Variants in SLC39A4 observed in about 807,000 individuals in gnomAD.
SLC39A4 encodes the protein solute carrier family 39 member 4.
In SLC39A4, 49 loss-of-function variants were observed where a neutral mutation model predicts 56.6. The ratio of observed to expected loss-of-function variants is 0.87; its 90% confidence interval spans 0.69 to 1.10. SLC39A4 has a LOEUF of 1.10. Among genes scored for constraint, SLC39A4 ranks in the 50% least tolerant of loss-of-function variants. The pLI is 0.00. For synonymous variants in SLC39A4, 540 were observed against 420.4 expected (o/e 1.28, Z -3.48); for missense variants, 993 against 864.2 (o/e 1.15, Z -1.87).
At chr8:144,413,930 C>T (rs1174656785) in intron 7 of SLC39A4, 28 bp downstream of exon 7, 9 of 1,610,306 alleles carry the variant, frequency 5.6e-6, no homozygotes, top group South Asian at 2.2e-5. Flanking sequence ...CACACCCACC[C>T]GCCGGGTACC....
In SLC39A4 at chr8:144,416,814, G is replaced by C. The variant is rs782568816; in HGVS notation, c.-25C>G. On this transcript the variant is annotated 5_prime_UTR_variant, in exon 1 of 12. Transcript: ENST00000301305. ...TACTCAGCTCCCAGCGTGCTCAGTG[G>C]GTGTTGCTGTGGCCAAGGCCCAGTG... The C allele has an allele frequency of 6.2e-7, 1 of 1,603,382 alleles. No individual in the cohort carries two copies. Among genetic ancestry groups the C allele is most frequent in the East Asian group, 2.2e-5 (1 of 44,450 alleles).
At position 144,414,815 on chromosome 8, in the gene SLC39A4, G is replaced by C; in HGVS notation, c.886C>G (p.Leu296Val). The change falls in exon 5 of 12, where the codon CTG becomes GTG. Residue 296 changes from leucine (L) to valine (V), a missense_variant. Coordinates refer to ENST00000301305, the MANE Select transcript of SLC39A4 (RefSeq NM_130849.4). ...TGCTGTTGGAGCAGGGCAGGGCTCA[G>C]TTGGGCCCAGGCCTCCGGGGTCACC... ...AGVTPEAWAQ[L>V]SPALLQQQLS... is the part of the protein sequence containing the mutation. 6.2e-7 allele frequency: 1 copy of C among 1,613,204 alleles called. No homozygotes were observed. The highest frequency in any genetic ancestry group is 1.1e-5 in the South Asian group (1 of 91,090).
intron 10 of SLC39A4, 72 bp downstream of exon 10, chr8:144,413,165 A>G: frequency 3.6e-6 from 4 of 1,105,838 alleles, no homozygotes; most frequent in Middle Eastern, 3.1e-4. Flanking sequence ...GGCCCCGCCC[A>G]CCTGTTCCAG....
At position 144,412,617 on chromosome 8, in the gene SLC39A4, A is replaced by T; in HGVS notation, c.1865T>A (p.Leu622Gln). 6.2e-7 allele frequency: 1 copy of T among 1,614,154 alleles called. No homozygotes were observed. The highest frequency in any genetic ancestry group is 8.5e-7 in the Non-Finnish European group (1 of 1,180,028). ...VRDPRPWLLF[L>Q]LHNVGLLGGW... ...GCCCAGCAGGCCCACGTTGTGCAGC[A>T]GGAAGAGGAGCCAGGGCCGCGGGTC... Residue 622 changes from leucine to glutamine, a missense_variant, in exon 12 of 12, where the codon CTG (leucine) becomes CAG (glutamine). Physicochemically the swap from Leu to Gln is moderately radical, Grantham distance 113. Transcript: ENST00000301305.
intron 3 of SLC39A4, 24 bp from the exon 4 acceptor site, chr8:144,415,134 C>T (rs782667062): frequency 1.4e-5 from 23 of 1,612,442 alleles, no homozygotes; most frequent in East Asian, 1.1e-4. Flanking sequence ...GAGTTGGCAC[C>T]GCGAGTCTGT....
rs1564709862 is a variant in SLC39A4 at position 144,415,104 on chromosome 8, G to A, written c.674C>T (p.Ser225Leu). The A allele has an allele frequency of 6.2e-7, 1 of 1,612,236 alleles. No homozygotes were observed. Among genetic ancestry groups the A allele is most frequent in the Admixed American group, 1.7e-5 (1 of 60,016 alleles). Residue 225 changes from serine (S) to leucine (L), a missense_variant, in exon 4 of 12, where the codon TCA becomes TTA. Coordinates refer to ENST00000301305, the MANE Select transcript of SLC39A4 (RefSeq NM_130849.4). Reference protein sequence around the residue: ...SEVPMTLAELSALMQRLGVGR... With the variant: ...SEVPMTLAELLALMQRLGVGR... ...CACCCCCAGGCGCTGCATCAAGGCT[G>A]ACAGCTCTGGCAGGGAGAAGAGTTG...
At chr8:144,413,179 TCCCCTCCCAGCCCCGTGCGG>T (rs1344832326) in intron 10 of SLC39A4, 38 bp downstream of exon 10, 18 of 1,487,668 alleles carry the variant, frequency 1.2e-5, no homozygotes, top group Middle Eastern at 2.4e-4. Context: ...GTTCCAGGTC[TCCCCTCCCAGCCCCGTGCGG>T]CCCCGCCCAT....
chr8:144,413,172 C>G, intron 10 of SLC39A4, 65 bp downstream of exon 10: 9 of 1,402,226 alleles, frequency 6.4e-6, no homozygotes, highest in South Asian at 1.3e-5. Context: ...CCCACCTGTT[C>G]CAGGTCTCCC....
intron 6 of SLC39A4, 53 bp from the exon 7 acceptor site, chr8:144,414,148 A>AAG: frequency 6.4e-7 from 1 of 1,559,008 alleles, no homozygotes; most frequent in Middle Eastern, 1.9e-4. Context: ...GCCTCCCACC[A>AAG]AGACCCAGGG....
rs1554872697 is a variant in SLC39A4 at position 144,413,878 on chromosome 8, G to A, written c.1291C>T (p.Leu431=). 2 of 1,606,750 alleles carry A rather than the reference G, an allele frequency of 1.2e-6. No homozygotes were observed. The highest frequency in any genetic ancestry group is 2.7e-5 in the African/African-American group (2 of 74,998). Residue 431 remains leucine, a synonymous_variant, in exon 8 of 12, where the codon CTG becomes TTG. Transcript: ENST00000301305. ...CTGTGGCCGCAGGGCCCGTCCTCCA[G>A]GTCCTGTGAGGGTAGGTGCTCAGTG... ...NLLLPRDPED[L]EDGPCGHSSH...
chr8:144,413,002 C>T, intron 10 of SLC39A4, 56 bp from the exon 11 acceptor site: 1 of 1,535,632 alleles, frequency 6.5e-7, no homozygotes, highest in Admixed American at 2.0e-5. Flanking sequence ...CCCCGCCCAC[C>T]TCCTTTCGGT....
Position 144,416,585 on chromosome 8 carries a change from G to A in SLC39A4, c.192+13C>T, listed in dbSNP as rs1554874086. On this transcript the variant is annotated intron_variant, in intron 1 of 11. Transcript: ENST00000301305. Reference sequence around the variant, plus strand: ...AGGCCAGGGCTGGGGGACCCGTCGGGTGGGGCTGTTACCTTTCCACACGGC... The same window carrying A: ...AGGCCAGGGCTGGGGGACCCGTCGGATGGGGCTGTTACCTTTCCACACGGC... 3 of 1,568,110 alleles carry A rather than the reference G, an allele frequency of 1.9e-6. No homozygotes were observed. The highest frequency in any genetic ancestry group is 2.6e-6 in the Non-Finnish European group (3 of 1,158,002).
In SLC39A4 at chr8:144,416,805, T is replaced by C; in HGVS notation, c.-16A>G. Reference sequence around the variant, plus strand: ...GGGACGCCATACTCAGCTCCCAGCGTGCTCAGTGGGTGTTGCTGTGGCCAA... The same window carrying C: ...GGGACGCCATACTCAGCTCCCAGCGCGCTCAGTGGGTGTTGCTGTGGCCAA... On this transcript the variant is annotated 5_prime_UTR_variant, in exon 1 of 12. Transcript: ENST00000301305. 3 of 1,608,574 alleles carry C rather than the reference T, an allele frequency of 1.9e-6. No individual in the cohort carries two copies. The highest frequency in any genetic ancestry group is 1.7e-6 in the Non-Finnish European group (2 of 1,178,532).
At position 144,413,772 on chromosome 8, in the gene SLC39A4, T is replaced by C; in HGVS notation, c.1397A>G (p.His466Arg). The change falls in exon 8 of 12, where the codon CAC becomes CGC. Residue 466 changes from histidine to arginine, a missense_variant. By Grantham distance (29) the His-to-Arg change is conservative. Coordinates refer to ENST00000301305, the MANE Select transcript of SLC39A4 (RefSeq NM_130849.4). ...CACCAGGTCTGCGCGGGAGCCCTCG[T>C]GGGGGGGCTTGGGCTGCCGGAGCTC... Reference protein sequence around the residue: ...PSELRQPKPPHEGSRADLVAE... With the variant: ...PSELRQPKPPREGSRADLVAE... 1.3e-6 allele frequency: 2 copies of C among 1,542,658 alleles called. No homozygotes were observed. The highest frequency in any genetic ancestry group is 1.2e-5 in the South Asian group (1 of 84,518).
At chr8:144,414,230 A>G in intron 6 of SLC39A4, 32 bp downstream of exon 6, 1 of 1,601,644 alleles carries the variant, frequency 6.2e-7, no homozygotes, top group Non-Finnish European at 8.5e-7. Flanking sequence ...TGGGGAACGG[A>G]GGGCCAGGGT....
At position 144,412,926 on chromosome 8, in the gene SLC39A4, G is replaced by T. The variant is rs782193536; in HGVS notation, c.1648C>A (p.His550Asn). 1 of 1,604,632 alleles carries T rather than the reference G, an allele frequency of 6.2e-7. No individual in the cohort carries two copies. The highest frequency in any genetic ancestry group is 1.1e-5 in the South Asian group (1 of 90,568). Residue 550 changes from histidine to asparagine, a missense_variant, in exon 11 of 12, where the codon CAC becomes AAC. Transcript: ENST00000301305. ...HELGDFAALL[H>N]AGLSVRQALL... ...GCTTGGCGCACGGACAGCCCCGCGTGCAGCAAGGCGGCGAAGTCCCCTGCG... is the reference window on the plus strand; with the variant it reads ...GCTTGGCGCACGGACAGCCCCGCGTTCAGCAAGGCGGCGAAGTCCCCTGCG...
Position 144,415,919 on chromosome 8 carries a change from TGAGAGGCC to T in SLC39A4, c.357_364del (p.Trp119Ter), listed in dbSNP as rs1423875463. ...GAGCAGGGCCAGGAGGTGGTCTGCA[TGAGAGGCC>T]CAGAGGCCAGCCCGAGCGTCCTCAC... On this transcript the variant is annotated stop_gained and frameshift_variant, in exon 2 of 12. Coordinates refer to ENST00000301305, the MANE Select transcript of SLC39A4 (RefSeq NM_130849.4). LOFTEE classifies it high-confidence loss of function. 1 of 1,596,050 alleles carries T rather than the reference TGAGAGGCC, an allele frequency of 6.3e-7. No individual in the cohort carries two copies. The highest frequency in any genetic ancestry group is 1.3e-5 in the African/African-American group (1 of 74,776).
chr8:144,414,928 A>G lies in SLC39A4; in HGVS notation c.805-32T>C, dbSNP rs145542712. 1.6e-3 allele frequency: 2,621 copies of G among 1,612,968 alleles called. 30 individuals are homozygous for G. The African/African-American group carries it at 0.03, about 19-fold the overall frequency. ...GGTGGCAGGACAGGCTCAGGGGCCC[A>G]AGCAGACCCCGGTGAGGCCCCATCT... On this transcript the variant is annotated intron_variant, in intron 4 of 11. Coordinates refer to ENST00000301305, the MANE Select transcript of SLC39A4 (RefSeq NM_130849.4).
rs782405447 is a variant in SLC39A4 at position 144,416,710 on chromosome 8, C to A, written c.80G>T (p.Gly27Val). 6.2e-7 allele frequency: 1 copy of A among 1,612,692 alleles called. No homozygotes were observed. Among genetic ancestry groups the A allele is most frequent in the Non-Finnish European group, 8.5e-7 (1 of 1,179,808 alleles). Residue 27 changes from glycine to valine, a missense_variant, in exon 1 of 12, where the codon GGT becomes GTT. By Grantham distance (109) the Gly-to-Val change is moderately radical. Coordinates refer to ENST00000301305, the MANE Select transcript of SLC39A4 (RefSeq NM_130849.4). The part of the protein sequence containing the change: ...VVTATASPPA[G>V]LLSLLTSGQG... Reference sequence around the variant, plus strand: ...GCCAGAGGTGAGCAGGCTCAGCAGACCAGCAGGCGGGGACGCCGTCGCCGT... The same window carrying A: ...GCCAGAGGTGAGCAGGCTCAGCAGAACAGCAGGCGGGGACGCCGTCGCCGT...
Sources: gnomAD v4.1 joint callset for allele counts on GRCh38, gnomAD v4.1.1 for gene constraint, MANE v1.5 for transcripts, NCBI Gene and HGNC (gene_info 2026-07-23, HGNC 2026-07-21) for gene names.